Variants in MTPN observed in about 807,000 individuals in gnomAD.
MTPN encodes the protein granule cell differentiation protein.
Under a neutral mutation model 13.5 loss-of-function variants are expected in MTPN, and 2 were observed. The observed-to-expected ratio is 0.15, with a 90% CI of 0.06 to 0.47. The LOEUF is 0.47. Among genes scored for constraint, MTPN ranks in the 20% least tolerant of loss-of-function variants. The pLI, the probability that MTPN is intolerant of heterozygous loss-of-function variation, is 0.97. For missense variants in MTPN, 79 were observed against 137.9 expected, an observed-to-expected ratio of 0.57 and a Z score of 2.14; for synonymous variants, 46 against 51.7, an observed-to-expected ratio of 0.89 and a Z score of 0.48.
chr7:135,977,276 C>T lies in MTPN; in HGVS notation c.-176G>A. The T allele has an allele frequency of 3.1e-6, 2 of 647,860 alleles. No individual in the cohort carries two copies. The highest frequency in any genetic ancestry group is 1.8e-5 in the South Asian group (1 of 56,300). The allele number at this position is 647,860 out of a possible 1,614,324, so 40.1% of individuals were successfully genotyped here. On this transcript the variant is annotated 5_prime_UTR_variant, in exon 1 of 4. Transcript: ENST00000393085. ...CAGTTGGCCGCGGCGACCGTTCGGGCGGGAGAAAGAAAGTTCTTTTGCGGC... is the reference window on the plus strand; with the variant it reads ...CAGTTGGCCGCGGCGACCGTTCGGGTGGGAGAAAGAAAGTTCTTTTGCGGC...
Position 135,961,772 on chromosome 7 carries a change from G to GA in MTPN, c.73-10143dup, listed in dbSNP as rs1799527312. Among the ~76,000 whole-genome samples, 3 of 152,008 alleles carry GA rather than the reference G, an allele frequency of 2.0e-5. No homozygotes were observed. The South Asian group carries it at 6.2e-4, about 31-fold the overall frequency. On this transcript the variant is annotated intron_variant, in intron 1 of 3. Transcript: ENST00000393085. ...ACCTAAAAGCAAAATATGAAAATGT[G>GA]AAAAAAATTTGTTTAATGGTCAAAA...
intron 3 of MTPN, among the ~76,000 whole-genome samples, chr7:135,934,069 G>C (rs1231451312): frequency 6.6e-6 from 1 of 152,096 alleles, no homozygotes; most frequent in Admixed American, 6.6e-5. Context: ...GTGAGGAACT[G>C]TGAGTGAATT....
At chr7:135,940,427 C>A (rs917521919) in intron 3 of MTPN, among the ~76,000 whole-genome samples, 4 of 152,110 alleles carry the variant, frequency 2.6e-5, no homozygotes, top group Non-Finnish European at 5.9e-5. Flanking sequence ...CTTTACTAGA[C>A]CTATAAGGTC....
At chr7:135,957,166 T>C (rs1799453963) in intron 1 of MTPN, among the ~76,000 whole-genome samples, 1 of 152,230 alleles carries the variant, frequency 6.6e-6, no homozygotes, top group Non-Finnish European at 1.5e-5. Flanking sequence ...ATATTCCATA[T>C]ATGTAATCTA....
chr7:135,947,853 ATATAAAG>A (rs1388317554), intron 3 of MTPN, among the ~76,000 whole-genome samples: 2 of 152,164 alleles, frequency 1.3e-5, no homozygotes, highest in Non-Finnish European at 2.9e-5. Context: ...ACAGCATATC[ATATAAAG>A]TTTGATTTCA....
At position 135,928,195 on chromosome 7, in the gene MTPN, A is replaced by G. The variant is rs1199429358; in HGVS notation, c.*1731T>C. Reference sequence around the variant, plus strand: ...AATACAACAAAGTATTTAAACCACTACTTTGTGATTGTTTTCTTGGATGTA... The same window carrying G: ...AATACAACAAAGTATTTAAACCACTGCTTTGTGATTGTTTTCTTGGATGTA... On this transcript the variant is annotated 3_prime_UTR_variant, in exon 4 of 4. Transcript: ENST00000393085. The G allele has an allele frequency of 6.0e-6, 1 of 167,348 alleles. No individual in the cohort carries two copies. The highest frequency in any genetic ancestry group is 1.5e-5 in the Non-Finnish European group (1 of 68,428). The allele number at this position is 167,348 out of a possible 1,614,324, so 10.4% of individuals were successfully genotyped here.
In MTPN at chr7:135,930,023, G is replaced by A. The variant is rs1798993366; in HGVS notation, c.271-11C>T. The stretch of plus-strand genomic sequence containing the variant: ...AGTCTTATCAGCACCCTGGAAAAGA[G>A]AGGAAAGGGCTCATTAAATGAGCCC... On this transcript the variant is annotated splice_polypyrimidine_tract_variant and intron_variant, in intron 3 of 3. Transcript: ENST00000393085. The A allele has an allele frequency of 6.3e-7, 1 of 1,597,398 alleles. No individual in the cohort carries two copies. Among genetic ancestry groups the A allele is most frequent in the Non-Finnish European group, 8.5e-7 (1 of 1,171,218 alleles).
intron 1 of MTPN, among the ~76,000 whole-genome samples, chr7:135,967,150 A>C (rs1429342964): frequency 6.6e-6 from 1 of 152,162 alleles, no homozygotes; most frequent in Non-Finnish European, 1.5e-5. Context: ...CCACAGAACA[A>C]GATTTAAGTT....
chr7:135,951,228 C>A (rs1158005587), intron 2 of MTPN, among the ~76,000 whole-genome samples: 2 of 152,110 alleles, frequency 1.3e-5, no homozygotes, highest in African/African-American at 4.8e-5. Flanking sequence ...CCATTTGTTA[C>A]CCACAGATAG....
At chr7:135,973,997 T>C (rs1799735043) in intron 1 of MTPN, among the ~76,000 whole-genome samples, 1 of 152,212 alleles carries the variant, frequency 6.6e-6, no homozygotes, top group Non-Finnish European at 1.5e-5. Context: ...CTTAAAGTTA[T>C]ACATGAAACA....
chr7:135,950,696 A>C lies in MTPN; in HGVS notation c.187-14T>G. 6.4e-7 allele frequency: 1 copy of C among 1,568,390 alleles called. No individual in the cohort carries two copies. Among genetic ancestry groups the C allele is most frequent in the Non-Finnish European group, 8.7e-7 (1 of 1,143,312 alleles). On this transcript the variant is annotated splice_polypyrimidine_tract_variant and intron_variant, in intron 2 of 3. Transcript: ENST00000393085. ...TTTATCTGGAGCCTATGAAATAATAAACAGAGATAACTTTATCTGTTTTTC... is the reference window on the plus strand; with the variant it reads ...TTTATCTGGAGCCTATGAAATAATACACAGAGATAACTTTATCTGTTTTTC...
rs917729504 is a variant in MTPN at position 135,928,338 on chromosome 7, G to GCCAA, written c.*1584_*1587dup. On this transcript the variant is annotated 3_prime_UTR_variant, in exon 4 of 4. Transcript: ENST00000393085. Reference sequence around the variant, plus strand: ...CACCTATACACCCACACACCCACATGCCAACCAACCAACCAACCAGCAACT... The same window carrying GCCAA: ...CACCTATACACCCACACACCCACATGCCAACCAACCAACCAACCAACCAGCAACT... 6.0e-5 allele frequency: 10 copies of GCCAA among 166,638 alleles called. No individual in the cohort carries two copies. The highest frequency in any genetic ancestry group is 8.8e-5 in the Non-Finnish European group (6 of 68,054). 10.3% of individuals were successfully genotyped at this position (166,638 alleles called of 1,614,324 possible).
At chr7:135,938,881 A>T (rs1206550394) in intron 3 of MTPN, among the ~76,000 whole-genome samples, 2 of 152,210 alleles carry the variant, frequency 1.3e-5, no homozygotes, top group African/African-American at 4.8e-5. Flanking sequence ...GCTTCAAGGA[A>T]ATCATCATGT....
intron 1 of MTPN, among the ~76,000 whole-genome samples, chr7:135,951,873 T>A (rs73445840): frequency 3.3e-5 from 5 of 152,250 alleles, no homozygotes; most frequent in African/African-American, 1.2e-4. Context: ...ATGATAAATA[T>A]AACGAAATAC....
rs781681782 is a variant in MTPN at position 135,977,131 on chromosome 7, C to G, written c.-31G>C. 2.5e-6 allele frequency: 4 copies of G among 1,612,578 alleles called. No homozygotes were observed. Among genetic ancestry groups the G allele is most frequent in the Non-Finnish European group, 3.4e-6 (4 of 1,179,008 alleles). On this transcript the variant is annotated 5_prime_UTR_variant, in exon 1 of 4. Coordinates refer to ENST00000393085, the MANE Select transcript of MTPN (RefSeq NM_145808.4). ...CAGCGGGGCAGGCCGGTTGGCCGGG[C>G]AGAAGATGAGGAGGCGGTGGCAGCA...
At chr7:135,957,305 T>A (rs900282645) in intron 1 of MTPN, among the ~76,000 whole-genome samples, 4 of 152,164 alleles carry the variant, frequency 2.6e-5, no homozygotes, top group Non-Finnish European at 5.9e-5. Context: ...ATAACATGCT[T>A]TAGGATGGGT....
chr7:135,930,036 A>G, intron 3 of MTPN, 24 bp from the exon 4 acceptor site: 1 of 1,568,730 alleles, frequency 6.4e-7, no homozygotes, highest in East Asian at 2.3e-5. Flanking sequence ...GAAAGGGCTC[A>G]TTAAATGAGC....
chr7:135,951,014 G>T (rs1245421364), intron 2 of MTPN, among the ~76,000 whole-genome samples: 1 of 152,162 alleles, frequency 6.6e-6, no homozygotes, highest in Non-Finnish European at 1.5e-5. Flanking sequence ...GTGTGGTCCA[G>T]TAAGGGAAAA....
At chr7:135,976,931 G>GC in intron 1 of MTPN, 98 bp downstream of exon 1, 8 of 247,790 alleles carry the variant, frequency 3.2e-5, no homozygotes, top group East Asian at 9.7e-5. Flanking sequence ...CTCTCCTCCC[G>GC]CCCACCCCCA....
Sources: allele counts gnomAD v4.1 joint callset (sites outside exome capture counted in the v4.1 genomes callset), GRCh38; gene constraint gnomAD v4.1.1; transcripts MANE v1.5; gene names NCBI Gene and HGNC (gene_info 2026-07-23, HGNC 2026-07-21).